The following TRPM3 variants were observed in gnomAD, a reference collection of about 807,000 sequenced individuals.
TRPM3 encodes transient receptor potential cation channel subfamily M member 3.
TRPM3 carries 77 observed loss-of-function variants against 181.2 expected under a neutral mutation model. The observed-to-expected ratio is 0.42, with a 90% CI of 0.35 to 0.51. The LOEUF is 0.51. Ranked by LOEUF, TRPM3 falls within the 20% of genes least tolerant of loss-of-function variation. The pLI, the probability that TRPM3 is intolerant of heterozygous loss-of-function variation, is 0.01. For synonymous variants in TRPM3, 745 were observed against 796.4 expected (o/e 0.94, Z 1.09); for missense variants, 1,759 against 2,196.7 (o/e 0.80, Z 3.98).
chr9:71,406,057 C>T (rs1025738287), intron 1 of TRPM3, among the ~76,000 whole-genome samples: 4 of 152,096 alleles, frequency 2.6e-5, no homozygotes, highest in Admixed American at 1.3e-4. Flanking sequence ...AGGCAGATCA[C>T]GAGGTCAAGA....
At chr9:71,278,466 G>A (rs73649705) in intron 1 of TRPM3, among the ~76,000 whole-genome samples, 4,449 of 152,242 alleles carry the variant, frequency 0.029, 117 homozygotes, top group East Asian at 0.074. Flanking sequence ...AGATAAAACT[G>A]AACCATGTTA....
At chr9:70,805,224 G>A (rs1003094835) in intron 6 of TRPM3, among the ~76,000 whole-genome samples, 1 of 150,122 alleles carries the variant, frequency 6.7e-6, no homozygotes, top group Non-Finnish European at 1.5e-5. Flanking sequence ...AGAGACTGGG[G>A]TGGGGGAGGT....
In TRPM3 at chr9:70,614,620, T is replaced by C. The variant is rs77460760; in HGVS notation, c.2526+1288A>G. 5.7e-3 allele frequency among the ~76,000 whole-genome samples: 861 copies of C among 152,310 alleles called. 9 individuals are homozygous for C. Among genetic ancestry groups the C allele is most frequent in the African/African-American group, 0.019 (793 of 41,566 alleles). On this transcript the variant is annotated intron_variant, in intron 18 of 25. Coordinates refer to ENST00000677713, the MANE Select transcript of TRPM3 (RefSeq NM_001366145.2). ...CTGTTAAAACAGTATTAGTTCACAG[T>C]GTGCCAGTCTCCAATATAAGTAGTT... is the stretch of plus-strand genomic sequence containing the variant.
intron 1 of TRPM3, among the ~76,000 whole-genome samples, chr9:71,202,439 C>T (rs2078865820): frequency 6.6e-6 from 1 of 152,160 alleles, no homozygotes; most frequent in South Asian, 2.1e-4. Flanking sequence ...CCTTTCTGTA[C>T]CCCTCATGAG....
At chr9:71,071,365 C>G (rs1327744453) in intron 1 of TRPM3, among the ~76,000 whole-genome samples, 1 of 152,134 alleles carries the variant, frequency 6.6e-6, no homozygotes, top group Non-Finnish European at 1.5e-5. Flanking sequence ...AAAGTATAGC[C>G]TGCACCTTAA....
chr9:71,334,245 A>T (rs2090409672), intron 1 of TRPM3, among the ~76,000 whole-genome samples: 1 of 151,716 alleles, frequency 6.6e-6, no homozygotes, highest in Non-Finnish European at 1.5e-5. Flanking sequence ...CAAAGCTCTA[A>T]TATTAAATCT....
intron 1 of TRPM3, among the ~76,000 whole-genome samples, chr9:71,127,304 C>T (rs956804454): frequency 1.1e-4 from 17 of 151,920 alleles, no homozygotes; most frequent in Non-Finnish European, 2.1e-4. Context: ...CACACACACA[C>T]ACACACACAC....
intron 1 of TRPM3, among the ~76,000 whole-genome samples, chr9:71,226,681 CAT>C (rs963404251): frequency 1.3e-4 from 19 of 151,950 alleles, no homozygotes; most frequent in African/African-American, 2.7e-4. Context: ...TATACACACA[CAT>C]GTATATACAC....
intron 6 of TRPM3, among the ~76,000 whole-genome samples, chr9:70,805,507 C>T (rs746672759): frequency 4.2e-4 from 59 of 140,934 alleles, no homozygotes; most frequent in Non-Finnish European, 7.7e-4. Context: ...GCACTCCAAC[C>T]TGGGCGACAG....
At chr9:71,160,749 T>G (rs1041199163) in intron 1 of TRPM3, among the ~76,000 whole-genome samples, 2 of 152,186 alleles carry the variant, frequency 1.3e-5, no homozygotes, top group Non-Finnish European at 2.9e-5. Context: ...CTGTGTCTCT[T>G]TCTCGAGCTA....
intron 1 of TRPM3, among the ~76,000 whole-genome samples, chr9:71,020,130 G>A (rs934558123): frequency 1.3e-5 from 2 of 151,440 alleles, no homozygotes; most frequent in Non-Finnish European, 2.9e-5. Context: ...AGTAAGATAT[G>A]TTTTAAATGG....
intron 1 of TRPM3, among the ~76,000 whole-genome samples, chr9:70,990,092 T>C: frequency 6.6e-6 from 1 of 152,294 alleles, no homozygotes; most frequent in South Asian, 2.1e-4. Flanking sequence ...ACATAGCTAA[T>C]AAGTGGAGGA....
chr9:70,915,302 T>G (rs1321462489), intron 1 of TRPM3, among the ~76,000 whole-genome samples: 1 of 152,012 alleles, frequency 6.6e-6, no homozygotes, highest in Non-Finnish European at 1.5e-5. Flanking sequence ...CAGAGTCTTT[T>G]TTTTTCTTTT....
At chr9:70,745,472 A>G (rs1172290915) in intron 8 of TRPM3, among the ~76,000 whole-genome samples, 13 of 152,184 alleles carry the variant, frequency 8.5e-5, no homozygotes, top group Admixed American at 7.9e-4. Flanking sequence ...TATTTTATTT[A>G]AAATGTTTGG....
At chr9:71,085,507 G>A (rs1426735484) in intron 1 of TRPM3, among the ~76,000 whole-genome samples, 1 of 151,880 alleles carries the variant, frequency 6.6e-6, no homozygotes, top group East Asian at 1.9e-4. Flanking sequence ...AGATACACAA[G>A]TGACCATGAA....
intron 1 of TRPM3, among the ~76,000 whole-genome samples, chr9:71,358,035 G>A (rs766020126): frequency 1.6e-4 from 24 of 152,086 alleles, no homozygotes; most frequent in Non-Finnish European, 2.4e-4. Flanking sequence ...ACAATATGGC[G>A]AGAGTACAAT....
At chr9:71,274,885 C>A (rs1374414708) in intron 1 of TRPM3, among the ~76,000 whole-genome samples, 1 of 152,124 alleles carries the variant, frequency 6.6e-6, no homozygotes, top group Admixed American at 6.5e-5. Flanking sequence ...TTCTTAGGGA[C>A]TTAAGTGATA....
Position 70,552,931 on chromosome 9 carries a change from A to G in TRPM3, c.3487T>C (p.Phe1163Leu). 1.2e-6 allele frequency: 2 copies of G among 1,614,218 alleles called. No individual in the cohort carries two copies. Among genetic ancestry groups the G allele is most frequent in the Non-Finnish European group, 1.7e-6 (2 of 1,180,018 alleles). Residue 1163 changes from phenylalanine to leucine, a missense_variant, in exon 24 of 26, where the codon TTC becomes CTC. Coordinates refer to ENST00000677713, the MANE Select transcript of TRPM3 (RefSeq NM_001366145.2). ...RPVLPPPLII[F>L]SHMTMIFQHL... is the part of the protein sequence containing the mutation. ...TGGAATATCATGGTCATGTGGCTGA[A>G]GATGATCAGTGGTGGGGGCAGAACT... is the stretch of plus-strand genomic sequence containing the variant.
chr9:70,586,967 A>G (rs750487686), intron 22 of TRPM3, among the ~76,000 whole-genome samples: 1 of 152,198 alleles, frequency 6.6e-6, no homozygotes, highest in African/African-American at 2.4e-5. Flanking sequence ...TTCAGTCAAC[A>G]TCACAGAGAC....
Sources: allele counts gnomAD v4.1 joint callset (sites outside exome capture counted in the v4.1 genomes callset), GRCh38; gene constraint gnomAD v4.1.1; transcripts MANE v1.5; gene names NCBI Gene and HGNC (gene_info 2026-07-23, HGNC 2026-07-21).